Variants in SYNE2 observed in about 807,000 individuals in gnomAD.
The protein encoded by SYNE2 is spectrin repeat containing nuclear envelope protein 2.
SYNE2 carries 431 observed loss-of-function variants against 856.3 expected under a neutral mutation model. The ratio of observed to expected loss-of-function variants is 0.50; its 90% confidence interval spans 0.47 to 0.55. The LOEUF is 0.55. SYNE2 is among the 20% of genes least tolerant of loss of function. SYNE2 has a pLI of 0.00. For synonymous variants in SYNE2, 2,923 were observed against 2,872.3 expected (o/e 1.02, Z -0.56); for missense variants, 8,129 against 8,023.2 (o/e 1.01, Z -0.50).
intron 65 of SYNE2, among the ~76,000 whole-genome samples, chr14:64,109,055 T>C (rs898068140): frequency 6.6e-6 from 1 of 151,994 alleles, no homozygotes; most frequent in Non-Finnish European, 1.5e-5. Flanking sequence ...TTTGTATTTT[T>C]TCAGACACAC....
intron 2 of SYNE2, among the ~76,000 whole-genome samples, chr14:63,939,271 C>A (rs2095870995): frequency 6.6e-6 from 1 of 151,674 alleles, no homozygotes; most frequent in Admixed American, 6.6e-5. Flanking sequence ...GGGCCCACTC[C>A]TGCTCAGAGG....
chr14:64,202,377 G>A (rs973299779), intron 99 of SYNE2: 4 of 682,328 alleles, frequency 5.9e-6, no homozygotes, highest in Admixed American at 4.2e-5. Flanking sequence ...AATCTCCCAG[G>A]GTAGATCACC....
rs143789075 is a variant in SYNE2 at position 64,138,912 on chromosome 14, TTG to T, written c.14843+955_14843+956del. ...GTTATACAGCTTATACAAATGCTGG[TTG>T]TGTGTGTGTGTGTGTGTGTGTGTGT... On this transcript the variant is annotated intron_variant, in intron 79 of 115. Transcript: ENST00000555002. 4.5e-3 allele frequency among the ~76,000 whole-genome samples: 649 copies of T among 143,900 alleles called. 2 individuals are homozygous for T. The highest frequency in any genetic ancestry group is 5.7e-3 in the Non-Finnish European group (374 of 65,944). The allele number at this position is 143,900 out of a possible 152,430, so 94.4% of individuals were successfully genotyped here.
intron 99 of SYNE2, among the ~76,000 whole-genome samples, chr14:64,199,785 A>G (rs540059841): frequency 1.3e-5 from 2 of 151,958 alleles, no homozygotes; most frequent in African/African-American, 4.8e-5. Flanking sequence ...ACATGTGGCC[A>G]TCAGCGTGGG....
Position 64,010,065 on chromosome 14 carries a change from C to T in SYNE2, c.4677C>T (p.Ser1559=). ...TLIQKEESVI[S]LQASYMGKEN... ...TTCAAAAAGAAGAGAGTGTCATCTCCCTGCAGGCTTCGTACATGGGAAAGG... is the reference window on the plus strand; with the variant it reads ...TTCAAAAAGAAGAGAGTGTCATCTCTCTGCAGGCTTCGTACATGGGAAAGG... Residue 1559 remains serine (S), a synonymous_variant, in exon 32 of 116, where the codon TCC becomes TCT. Coordinates refer to ENST00000555002, the MANE Select transcript of SYNE2 (RefSeq NM_182914.3). The T allele has an allele frequency of 6.8e-6, 11 of 1,613,962 alleles. No homozygotes were observed. The highest frequency in any genetic ancestry group is 8.5e-6 in the Non-Finnish European group (10 of 1,179,950).
intron 2 of SYNE2, among the ~76,000 whole-genome samples, chr14:63,930,681 C>T (rs1017925955): frequency 6.6e-6 from 1 of 151,932 alleles, no homozygotes; most frequent in South Asian, 2.1e-4. Flanking sequence ...ATTACAGGTG[C>T]CCACCACCAC....
Position 64,024,979 on chromosome 14 carries a change from G to C in SYNE2, c.5908G>C (p.Glu1970Gln). The change falls in exon 40 of 116, where the codon GAA (glutamate) becomes CAA (glutamine). Residue 1970 changes from glutamate (E) to glutamine (Q), a missense_variant. Coordinates refer to ENST00000555002, the MANE Select transcript of SYNE2 (RefSeq NM_182914.3). ...TCAAGAAGAGAAATGGAAAGGAATGGAAGAACCAGGGGAGAAAACTGAGCT... is the reference window on the plus strand; with the variant it reads ...TCAAGAAGAGAAATGGAAAGGAATGCAAGAACCAGGGGAGAAAACTGAGCT... ...TNQEEKWKGM[E>Q]EPGEKTELFC... 6.2e-7 allele frequency: 1 copy of C among 1,614,046 alleles called. No individual in the cohort carries two copies. The highest frequency in any genetic ancestry group is 8.5e-7 in the Non-Finnish European group (1 of 1,179,944).
At chr14:64,070,562 C>G in intron 51 of SYNE2, 83 bp from the exon 52 acceptor site, 1 of 1,170,158 alleles carries the variant, frequency 8.5e-7, no homozygotes, top group Non-Finnish European at 1.2e-6. Context: ...GAAGAGAGAG[C>G]ATACAAAAAT....
intron 1 of SYNE2, among the ~76,000 whole-genome samples, chr14:63,832,240 A>G (rs61985748): frequency 0.46 from 68,953 of 151,410 alleles, 16,589 homozygotes; most frequent in South Asian, 0.55. Flanking sequence ...GGTGGCCCAC[A>G]CTTGTAATCC....
intron 54 of SYNE2, 109 bp downstream of exon 54, chr14:64,076,209 T>C: frequency 8.0e-7 from 1 of 1,253,098 alleles, no homozygotes. Flanking sequence ...AGCTATAACT[T>C]CTTTTAAGAG....
chr14:64,101,306 T>C (rs1185266744), intron 63 of SYNE2, among the ~76,000 whole-genome samples: 1 of 152,190 alleles, frequency 6.6e-6, no homozygotes, highest in African/African-American at 2.4e-5. Flanking sequence ...ATCTTTTTTA[T>C]ATAAGCCATT....
chr14:63,972,377 T>C (rs913816152), intron 11 of SYNE2, among the ~76,000 whole-genome samples: 1 of 152,168 alleles, frequency 6.6e-6, no homozygotes, highest in Admixed American at 6.6e-5. Context: ...GATTAAGTAC[T>C]GTAAATTTGG....
At position 64,170,469 on chromosome 14, in the gene SYNE2, T is replaced by TA. The variant is rs1448737343; in HGVS notation, c.17235+8dup. 1 of 1,602,934 alleles carries TA rather than the reference T, an allele frequency of 6.2e-7. No homozygotes were observed. The highest frequency in any genetic ancestry group is 8.5e-7 in the Non-Finnish European group (1 of 1,174,072). ...TCTGATCCATGAGCTGAAGGTAGTG[T>TA]ATGCATCGTAGCAGTGTGAGAACCA... is the stretch of plus-strand genomic sequence containing the variant. On this transcript the variant is annotated splice_region_variant and intron_variant, in intron 94 of 115. Coordinates refer to ENST00000555002, the MANE Select transcript of SYNE2 (RefSeq NM_182914.3).
At chr14:64,120,831 T>C (rs1487078775) in intron 67 of SYNE2, 96 bp from the exon 68 acceptor site, 9 of 1,245,210 alleles carry the variant, frequency 7.2e-6, no homozygotes, top group East Asian at 4.7e-5. Flanking sequence ...ATTTATTTCA[T>C]GTAAAATTTT....
intron 65 of SYNE2, among the ~76,000 whole-genome samples, chr14:64,111,027 G>A (rs2097801941): frequency 6.6e-6 from 1 of 151,942 alleles, no homozygotes; most frequent in Non-Finnish European, 1.5e-5. Flanking sequence ...CATTAATTTG[G>A]TGAGTTCATG....
At chr14:64,191,717 A>G (rs2098519622) in intron 99 of SYNE2, among the ~76,000 whole-genome samples, 6 of 152,170 alleles carry the variant, frequency 3.9e-5, no homozygotes, top group African/African-American at 1.2e-4. Context: ...TATTAGGGGG[A>G]TTTGGCTGGC....
At position 64,017,644 on chromosome 14, in the gene SYNE2, C is replaced by T. The variant is rs774968138; in HGVS notation, c.4937C>T (p.Ala1646Val). The change falls in exon 34 of 116, where the codon GCT becomes GTT. Residue 1646 changes from alanine to valine, a missense_variant. This residue lies in a region of SYNE2 where 2,422 missense variants were observed against 2,357.4 expected (regional missense o/e 1.03). Coordinates refer to ENST00000555002, the MANE Select transcript of SYNE2 (RefSeq NM_182914.3). ...DYYENLGRALALWDKLFNLKN... is the reference protein window; with the variant it reads ...DYYENLGRALVLWDKLFNLKN... ...TATGAAAATCTTGGTCGAGCTCTAG[C>T]TTTGTGGGACAAACTTTTTAACTTA... 6.8e-6 allele frequency: 11 copies of T among 1,613,368 alleles called. No individual in the cohort carries two copies. The highest frequency in any genetic ancestry group is 9.3e-6 in the Non-Finnish European group (11 of 1,179,544).
chr14:63,987,936 C>T (rs901819003), intron 19 of SYNE2, among the ~76,000 whole-genome samples: 2 of 152,024 alleles, frequency 1.3e-5, no homozygotes, highest in African/African-American at 2.4e-5. Context: ...AATGTAATCT[C>T]ATTTGTGGTT....
chr14:63,848,062 T>A (rs1174909785), upstream of SYNE2, among the ~76,000 whole-genome samples: 3 of 152,142 alleles, frequency 2.0e-5, no homozygotes, highest in African/African-American at 4.8e-5. Flanking sequence ...AATTTTCATA[T>A]TTTTAGTAGA....
Sources: allele counts gnomAD v4.1 joint callset (sites outside exome capture counted in the v4.1 genomes callset), GRCh38; gene constraint gnomAD v4.1.1; regional missense constraint gnomAD v4.1.1; transcripts MANE v1.5; gene names NCBI Gene and HGNC (gene_info 2026-07-23, HGNC 2026-07-21).